The following CDC42SE2 variants were observed in gnomAD, a reference collection of about 807,000 sequenced individuals.
CDC42SE2 encodes the protein CDC42 small effector 2, also known as CDC42 small effector protein 2.
CDC42SE2 carries 3 observed loss-of-function variants against 11.5 expected under a neutral mutation model. The observed-to-expected ratio is 0.26, with a 90% CI of 0.12 to 0.67. The LOEUF is 0.67. Ranked by LOEUF, CDC42SE2 falls within the 30% of genes least tolerant of loss-of-function variation. The pLI is 0.80. For synonymous variants in CDC42SE2, 33 were observed against 34.8 expected (o/e 0.95, Z 0.18); for missense variants, 82 against 106.8 (o/e 0.77, Z 1.02).
chr5:131,258,441 T>G (rs2149685460), intron 2 of CDC42SE2, among the ~76,000 whole-genome samples: 1 of 152,340 alleles, frequency 6.6e-6, no homozygotes, highest in Non-Finnish European at 1.5e-5. Flanking sequence ...AGTCTGTAAC[T>G]TGACATAGCA....
intron 2 of CDC42SE2, among the ~76,000 whole-genome samples, chr5:131,345,447 G>C (rs1220923345): frequency 6.6e-6 from 1 of 151,944 alleles, no homozygotes; most frequent in African/African-American, 2.4e-5. Context: ...GAAGTTTAGA[G>C]AAAAAAGGGT....
At chr5:131,370,807 A>T (rs1561432721) in intron 3 of CDC42SE2, among the ~76,000 whole-genome samples, 1 of 150,906 alleles carries the variant, frequency 6.6e-6, no homozygotes, top group East Asian at 1.9e-4. Flanking sequence ...AATAGCATGA[A>T]TTTTTTTTTT....
chr5:131,370,052 TAA>T (rs1749972741), intron 3 of CDC42SE2, among the ~76,000 whole-genome samples: 1 of 152,208 alleles, frequency 6.6e-6, no homozygotes, highest in African/African-American at 2.4e-5. Flanking sequence ...CTTAGTTTTT[TAA>T]AAGAGATGAA....
intron 2 of CDC42SE2, among the ~76,000 whole-genome samples, chr5:131,341,273 G>C (rs1392073162): frequency 1.3e-5 from 2 of 151,836 alleles, no homozygotes; most frequent in Non-Finnish European, 2.9e-5. Context: ...AAGAGTTAAG[G>C]AAAAAAATGT....
intron 1 of CDC42SE2, among the ~76,000 whole-genome samples, chr5:131,265,181 T>A (rs904440513): frequency 2.0e-5 from 3 of 152,234 alleles, no homozygotes; most frequent in Non-Finnish European, 4.4e-5. Context: ...GAACAGTCCG[T>A]TCTTACTCTC....
intron 2 of CDC42SE2, among the ~76,000 whole-genome samples, chr5:131,329,826 C>G (rs1758378349): frequency 7.8e-6 from 1 of 128,210 alleles, no homozygotes; most frequent in South Asian, 2.6e-4. Flanking sequence ...TTGTAGTGAG[C>G]TGAGATTGTG....
At chr5:131,355,043 A>T (rs545596463) in intron 2 of CDC42SE2, among the ~76,000 whole-genome samples, 3 of 152,146 alleles carry the variant, frequency 2.0e-5, no homozygotes, top group Admixed American at 1.3e-4. Flanking sequence ...TTGGATTTCA[A>T]ATTTTTCAGA....
intron 2 of CDC42SE2, among the ~76,000 whole-genome samples, chr5:131,333,108 C>A (rs566257606): frequency 7.9e-5 from 12 of 152,138 alleles, no homozygotes; most frequent in South Asian, 4.2e-4. Context: ...TAGGTCTAAC[C>A]TGTAAGTCTT....
intron 1 of CDC42SE2, among the ~76,000 whole-genome samples, chr5:131,302,945 A>G (rs1376969231): frequency 2.6e-5 from 4 of 151,930 alleles, no homozygotes; most frequent in Admixed American, 6.6e-5. Flanking sequence ...CTGTAACTCA[A>G]CTACATCTTA....
intron 3 of CDC42SE2, among the ~76,000 whole-genome samples, chr5:131,372,059 T>TA (rs1437791897): frequency 6.6e-6 from 1 of 152,194 alleles, no homozygotes; most frequent in South Asian, 2.1e-4. Flanking sequence ...TCTACCTGGG[T>TA]AACAGTTGGG....
At chr5:131,268,754 C>CTTT (rs11370516) in intron 1 of CDC42SE2, among the ~76,000 whole-genome samples, 3,806 of 96,784 alleles carry the variant, frequency 0.039, 424 homozygotes, top group African/African-American at 0.13. Flanking sequence ...ACCCGGATTG[C>CTTT]TTTTTTTTTT....
At chr5:131,279,458 C>G (rs1398279154) in intron 1 of CDC42SE2, among the ~76,000 whole-genome samples, 1 of 143,890 alleles carries the variant, frequency 6.9e-6, no homozygotes, top group South Asian at 2.3e-4. Context: ...CCCTCCCCCC[C>G]CCCCTTTCAG....
intron 4 of CDC42SE2, among the ~76,000 whole-genome samples, chr5:131,390,281 T>C (rs2149791651): frequency 6.6e-6 from 1 of 152,342 alleles, no homozygotes; most frequent in Non-Finnish European, 1.5e-5. Flanking sequence ...CTTTGGTTGG[T>C]CCAATTTTAT....
chr5:131,210,526 T>C, the CDC42SE2 span, among the ~76,000 whole-genome samples: 1 of 152,256 alleles, frequency 6.6e-6, no homozygotes. Flanking sequence ...TCCTGAATAA[T>C]AGTTTGGTAT....
chr5:131,221,564 T>C, the CDC42SE2 span, among the ~76,000 whole-genome samples: 2 of 151,928 alleles, frequency 1.3e-5, no homozygotes, highest in Non-Finnish European at 2.9e-5. Context: ...GAATTCACAA[T>C]GTAATATTCT....
chr5:131,308,868 C>T lies in CDC42SE2; in HGVS notation c.-454-7108C>T, dbSNP rs1290039151. On this transcript the variant is annotated intron_variant, in intron 1 of 4. Coordinates refer to ENST00000505065, the MANE Select transcript of CDC42SE2 (RefSeq NM_001375635.1). ...GGGCTGAGATGATGGGGTTTTCTAG[C>T]TATACAATCATGTCATCTGCAAACA... is the stretch of plus-strand genomic sequence containing the variant. Among the ~76,000 whole-genome samples, 2 of 151,888 alleles carry T rather than the reference C, an allele frequency of 1.3e-5. 1 individual carries two copies. Among genetic ancestry groups the T allele is most frequent in the Non-Finnish European group, 2.9e-5 (2 of 67,976 alleles).
At chr5:131,273,692 G>A (rs1757041503) in intron 1 of CDC42SE2, among the ~76,000 whole-genome samples, 1 of 150,484 alleles carries the variant, frequency 6.6e-6, no homozygotes, top group Admixed American at 6.6e-5. Context: ...AGAATGGTGT[G>A]AACCCAGGAG....
In CDC42SE2 at chr5:131,348,350, AACAG is replaced by A. The variant is rs571532705; in HGVS notation, c.-285-10853_-285-10850del. Reference sequence around the variant, plus strand: ...ATCACAAGCATTCTTATACATCAATAACAGACAGAGAGCCAAATCATGAGTGAAC... The same window carrying A: ...ATCACAAGCATTCTTATACATCAATAACAGAGAGCCAAATCATGAGTGAAC... On this transcript the variant is annotated intron_variant, in intron 2 of 4. Transcript: ENST00000505065. 2.8e-3 allele frequency among the ~76,000 whole-genome samples: 419 copies of A among 152,196 alleles called. 3 individuals carry two copies. The highest frequency in any genetic ancestry group is 6.5e-3 in the Admixed American group (99 of 15,264).
At chr5:131,262,397 C>T (rs1756749793), upstream of CDC42SE2, among the ~76,000 whole-genome samples, 1 of 137,282 alleles carries the variant, frequency 7.3e-6, no homozygotes, top group South Asian at 2.2e-4. Flanking sequence ...AAACAGAAAC[C>T]AAGAGAAAAT....
Sources: allele counts gnomAD v4.1 joint callset (sites outside exome capture counted in the v4.1 genomes callset), GRCh38; gene constraint gnomAD v4.1.1; transcripts MANE v1.5; gene names NCBI Gene and HGNC (gene_info 2026-07-23, HGNC 2026-07-21).